Variants in ATL1 observed in about 807,000 individuals in gnomAD.
The protein encoded by ATL1 is atlastin GTPase 1, also known as atlastin-1.
A neutral mutation model predicts 75.5 loss-of-function variants in ATL1; 31 were observed. The observed-to-expected ratio is 0.41, with a 90% CI of 0.31 to 0.55. The LOEUF is 0.55. ATL1 is among the 20% of genes least tolerant of loss of function. The probability of loss-of-function intolerance (pLI) is 0.27; values close to 1 mark genes in which losing one functional copy is unlikely to be tolerated. For synonymous variants in ATL1, 226 were observed against 233.3 expected (o/e 0.97, Z 0.28); for missense variants, 405 against 662.6 (o/e 0.61, Z 4.27).
At chr14:50,578,855 G>T (rs1043128453) in intron 1 of ATL1, among the ~76,000 whole-genome samples, 3 of 152,096 alleles carry the variant, frequency 2.0e-5, no homozygotes, top group Non-Finnish European at 4.4e-5. Context: ...ACATATATTT[G>T]TGTTTTTCAT....
intron 1 of ATL1, among the ~76,000 whole-genome samples, chr14:50,581,092 G>C: frequency 6.6e-6 from 1 of 151,376 alleles, no homozygotes; most frequent in East Asian, 1.9e-4. Context: ...TCTTTGATCA[G>C]TCTTATATTA....
chr14:50,579,110 T>C (rs1454382811), intron 1 of ATL1, among the ~76,000 whole-genome samples: 3 of 152,208 alleles, frequency 2.0e-5, no homozygotes, highest in African/African-American at 7.2e-5. Flanking sequence ...TATTTGTGTC[T>C]TTTGTCCACT....
At chr14:50,568,197 T>C (rs1307174342) in intron 1 of ATL1, among the ~76,000 whole-genome samples, 1 of 152,208 alleles carries the variant, frequency 6.6e-6, no homozygotes. Context: ...ATTTTTGTCA[T>C]TGTTATATAT....
intron 6 of ATL1, among the ~76,000 whole-genome samples, chr14:50,611,959 TGAA>T (rs932824246): frequency 1.2e-4 from 18 of 152,226 alleles, no homozygotes; most frequent in African/African-American, 4.1e-4. Flanking sequence ...AGAAGACATA[TGAA>T]TGTTCATAGC....
At chr14:50,566,933 CA>C (rs2038909423) in intron 1 of ATL1, among the ~76,000 whole-genome samples, 7 of 152,072 alleles carry the variant, frequency 4.6e-5, no homozygotes, top group Admixed American at 3.9e-4. Context: ...TTTTACACTT[CA>C]TTTTTTTTCA....
At chr14:50,576,819 C>A (rs544789066) in intron 1 of ATL1, among the ~76,000 whole-genome samples, 1 of 152,264 alleles carries the variant, frequency 6.6e-6, no homozygotes, top group South Asian at 2.1e-4. Context: ...TCAACCGATC[C>A]TCCTGCCTCA....
chr14:50,592,783 C>T (rs998484352), intron 4 of ATL1, among the ~76,000 whole-genome samples: 3 of 150,724 alleles, frequency 2.0e-5, no homozygotes, highest in Non-Finnish European at 3.0e-5. Context: ...TGGTGGCAGG[C>T]GCCTGTAGTC....
At chr14:50,549,084 G>A (rs761704604) in intron 1 of ATL1, among the ~76,000 whole-genome samples, 1 of 152,046 alleles carries the variant, frequency 6.6e-6, no homozygotes, top group East Asian at 1.9e-4. Context: ...TCTACAGGAG[G>A]TGCTTGGACC....
intron 6 of ATL1, among the ~76,000 whole-genome samples, chr14:50,606,725 A>G (rs2012893): frequency 0.056 from 8,588 of 152,094 alleles, 337 homozygotes; most frequent in Non-Finnish European, 0.085. Flanking sequence ...TCTGTTCTTT[A>G]TAGAGGACTT....
At chr14:50,619,779 A>G (rs1048850176) in intron 8 of ATL1, among the ~76,000 whole-genome samples, 3 of 152,080 alleles carry the variant, frequency 2.0e-5, no homozygotes, top group African/African-American at 7.2e-5. Context: ...TATCTTTTTG[A>G]ACTCTGCAGT....
At chr14:50,592,354 A>G (rs940741136) in intron 4 of ATL1, among the ~76,000 whole-genome samples, 1 of 152,216 alleles carries the variant, frequency 6.6e-6, no homozygotes. Flanking sequence ...AAGATAGCTT[A>G]AAAAGGCAGA....
At chr14:50,540,229 G>T (rs1198600558) in intron 1 of ATL1, among the ~76,000 whole-genome samples, 1 of 152,108 alleles carries the variant, frequency 6.6e-6, no homozygotes, top group Admixed American at 6.6e-5. Context: ...AAGGATAGGT[G>T]GTGCTATCCT....
intron 6 of ATL1, among the ~76,000 whole-genome samples, chr14:50,609,147 G>A (rs988656907): frequency 6.6e-6 from 1 of 151,956 alleles, no homozygotes; most frequent in Non-Finnish European, 1.5e-5. Flanking sequence ...TTATCAACAT[G>A]TAAAAATCCA....
intron 1 of ATL1, among the ~76,000 whole-genome samples, chr14:50,577,105 C>G (rs2039012951): frequency 6.6e-6 from 1 of 152,092 alleles, no homozygotes; most frequent in Non-Finnish European, 1.5e-5. Flanking sequence ...CTCTGTCGCC[C>G]AGGCTGGAAT....
intron 1 of ATL1, among the ~76,000 whole-genome samples, chr14:50,555,085 G>A (rs985103812): frequency 6.6e-6 from 1 of 152,168 alleles, no homozygotes; most frequent in Non-Finnish European, 1.5e-5. Context: ...GAGATGATGT[G>A]TGCACTTTCT....
rs2038596744 is a variant in ATL1, at chr14:50,543,965, A to G, written c.-140+10598A>G. 3.9e-5 allele frequency among the ~76,000 whole-genome samples: 6 copies of G among 152,224 alleles called. No homozygotes were observed. The South Asian group carries it at 1.0e-3, about 26-fold the overall frequency. ...GCCATCTGGCTATTTTGGAGTCTTC[A>G]GATCACTAAATCAACAGTTAGAGAA... On this transcript the variant is annotated intron_variant, in intron 1 of 13. Transcript: ENST00000441560.
intron 1 of ATL1, chr14:50,571,918 A>T (rs1195673255): frequency 3.8e-6 from 1 of 264,912 alleles, no homozygotes; most frequent in Non-Finnish European, 7.3e-6. Flanking sequence ...TTATTTATAC[A>T]TTCCAAGTCT....
chr14:50,607,429 T>C (rs1191209876), intron 6 of ATL1, among the ~76,000 whole-genome samples: 2 of 152,048 alleles, frequency 1.3e-5, no homozygotes, highest in Non-Finnish European at 2.9e-5. Flanking sequence ...TGGGTTGACA[T>C]CAGTCTGAGA....
chr14:50,594,840 C>T (rs1415002007), intron 5 of ATL1, among the ~76,000 whole-genome samples: 1 of 151,726 alleles, frequency 6.6e-6, no homozygotes, highest in African/African-American at 2.4e-5. Context: ...ACCAAAAATA[C>T]AAAAATTAGC....
Sources: allele counts gnomAD v4.1 joint callset (sites outside exome capture counted in the v4.1 genomes callset), GRCh38; gene constraint gnomAD v4.1.1; transcripts MANE v1.5; gene names NCBI Gene and HGNC (gene_info 2026-07-23, HGNC 2026-07-21).